COPG2: variants seen among roughly 807,000 people sequenced by gnomAD.
COPG2 encodes the protein coatomer subunit gamma-2.
COPG2 carries 37 observed loss-of-function variants against 46.3 expected under a neutral mutation model. That is an observed-to-expected ratio of 0.80 (90% CI 0.61 to 1.05). The LOEUF is 1.05. COPG2 is among the 50% of genes least tolerant of loss of function. The probability of loss-of-function intolerance (pLI) is 0.00; values close to 1 mark genes in which losing one functional copy is unlikely to be tolerated. For missense variants in COPG2, 427 were observed against 387.8 expected (o/e 1.10, Z -0.85); for synonymous variants, 159 against 129.7 (o/e 1.23, Z -1.53).
chr7:130,625,755 T>C (rs11763386), intron 5 of COPG2, among the ~76,000 whole-genome samples: 29,358 of 151,920 alleles, frequency 0.19, 3,021 homozygotes, highest in Middle Eastern at 0.25. Flanking sequence ...AATAATTAGA[T>C]ATGTTTTTCT....
At position 130,506,729 on chromosome 7, in the gene COPG2, C is replaced by G. The variant is rs782025773; in HGVS notation, c.2563G>C (p.Val855Leu). 1 of 780,618 alleles carries G rather than the reference C, an allele frequency of 1.3e-6. No individual in the cohort carries two copies. 48.4% of individuals were successfully genotyped at this position (780,618 alleles called of 1,614,324 possible). ...ACAGGTGTTCTCTCTTTACTTCTGA[C>G]AGTCACCTGCATGGTCACTCCATCG... ...LADGVTMQVT[V>L]RSKERTPVDV... Residue 855 changes from valine (V) to leucine (L), a missense_variant, in exon 24 of 24, where the codon GTC (valine) becomes CTC (leucine). Physicochemically the swap from Val to Leu is conservative, Grantham distance 32. Transcript: ENST00000425248.
intron 5 of COPG2, among the ~76,000 whole-genome samples, chr7:130,621,859 AC>A (rs369497061): frequency 1.0e-3 from 156 of 149,170 alleles, no homozygotes; most frequent in African/African-American, 3.6e-3. Context: ...TGGGAGAGTC[AC>A]TGGAACCCAG....
intron 20 of COPG2, among the ~76,000 whole-genome samples, chr7:130,525,359 AGCC>A (rs1799763724): frequency 6.6e-6 from 1 of 152,170 alleles, no homozygotes; most frequent in African/African-American, 2.4e-5. Context: ...CAGATGCAAG[AGCC>A]CAGGAATATG....
chr7:130,662,907 C>T, intron 4 of COPG2, 60 bp downstream of exon 4: 2 of 994,196 alleles, frequency 2.0e-6, no homozygotes, highest in Non-Finnish European at 3.1e-6. Flanking sequence ...ACTCTTAGTT[C>T]CCTGGGGAAA....
At chr7:130,564,227 A>G in intron 10 of COPG2, 33 bp downstream of exon 10, 1 of 398,578 alleles carries the variant, frequency 2.5e-6, no homozygotes, top group Non-Finnish European at 4.4e-6. Flanking sequence ...AAACTTAGGA[A>G]CATAAAAGCC....
intron 6 of COPG2, among the ~76,000 whole-genome samples, chr7:130,615,771 T>C (rs1171940829): frequency 9.2e-5 from 14 of 152,176 alleles, no homozygotes; most frequent in African/African-American, 3.4e-4. Flanking sequence ...GTGTACTGCA[T>C]ACAAAGAATG....
At chr7:130,627,895 C>G (rs1795146180) in intron 5 of COPG2, among the ~76,000 whole-genome samples, 1 of 152,112 alleles carries the variant, frequency 6.6e-6, no homozygotes, top group Non-Finnish European at 1.5e-5. Context: ...ATTCTCTGAA[C>G]TGAAATAACT....
chr7:130,663,191 C>T (rs887848807), intron 3 of COPG2, among the ~76,000 whole-genome samples, 153 bp from the exon 4 acceptor site: 16 of 152,200 alleles, frequency 1.1e-4, no homozygotes, highest in Non-Finnish European at 2.4e-4. Flanking sequence ...TGCAATTTTT[C>T]TGGCTTTCAA....
At chr7:130,615,768 G>A (rs1400246113) in intron 6 of COPG2, among the ~76,000 whole-genome samples, 16 of 152,282 alleles carry the variant, frequency 1.1e-4, no homozygotes, top group African/African-American at 3.6e-4. Context: ...AGAGTGTACT[G>A]CATACAAAGA....
intron 4 of COPG2, among the ~76,000 whole-genome samples, chr7:130,655,009 A>G (rs1448396079): frequency 6.6e-6 from 1 of 152,070 alleles, no homozygotes; most frequent in Non-Finnish European, 1.5e-5. Flanking sequence ...TTACAACTTA[A>G]GCATATAGAT....
intron 20 of COPG2, chr7:130,508,873 C>G (rs1331583383): frequency 1.2e-5 from 7 of 573,874 alleles, no homozygotes; most frequent in Non-Finnish European, 2.2e-5. Flanking sequence ...CTGTGGGTTA[C>G]AGCAGTACAG....
At chr7:130,588,572 T>C (rs541937316) in intron 9 of COPG2, among the ~76,000 whole-genome samples, 14 of 152,126 alleles carry the variant, frequency 9.2e-5, no homozygotes, top group Non-Finnish European at 1.6e-4. Context: ...CGCATGTTCT[T>C]GCTCATAGGT....
At chr7:130,508,824 G>A (rs1799547255) in intron 20 of COPG2, among the ~76,000 whole-genome samples, 165 bp from the exon 21 acceptor site, 1 of 152,170 alleles carries the variant, frequency 6.6e-6, no homozygotes, top group Admixed American at 6.5e-5. Flanking sequence ...GGGTCAGGAA[G>A]GCAGTCTCAC....
At chr7:130,547,571 C>T (rs984297203) in intron 20 of COPG2, 103 bp downstream of exon 20, 1 of 397,956 alleles carries the variant, frequency 2.5e-6, no homozygotes, top group Non-Finnish European at 4.4e-6. Flanking sequence ...TCATTAAATT[C>T]TAGAAAAGCA....
intron 9 of COPG2, among the ~76,000 whole-genome samples, chr7:130,607,030 C>T (rs1794746545): frequency 6.6e-6 from 1 of 151,872 alleles, no homozygotes; most frequent in Admixed American, 6.6e-5. Flanking sequence ...TGCTTGAGCT[C>T]AGGAGTTTGA....
At chr7:130,579,067 T>C (rs1288757829) in intron 9 of COPG2, among the ~76,000 whole-genome samples, 1 of 88,010 alleles carries the variant, frequency 1.1e-5, no homozygotes, top group African/African-American at 4.8e-5. Flanking sequence ...AAAGTTGAAA[T>C]GAAGGAAAAA....
At chr7:130,572,495 C>A (rs1422209021) in intron 9 of COPG2, among the ~76,000 whole-genome samples, 2 of 152,030 alleles carry the variant, frequency 1.3e-5, no homozygotes, top group African/African-American at 2.4e-5. Context: ...TTTAAAATGA[C>A]AGAAATCATA....
At chr7:130,650,092 C>T (rs1795707001) in intron 5 of COPG2, among the ~76,000 whole-genome samples, 1 of 152,132 alleles carries the variant, frequency 6.6e-6, no homozygotes, top group African/African-American at 2.4e-5. Context: ...TGGCCCTCTT[C>T]CCCCATCTCC....
intron 20 of COPG2, among the ~76,000 whole-genome samples, chr7:130,521,583 TAG>T (rs1260897583): frequency 7.2e-5 from 11 of 152,132 alleles, no homozygotes; most frequent in Admixed American, 7.2e-4. Flanking sequence ...AAATTTACCT[TAG>T]GATGGGAAAA....
Sources: gnomAD v4.1 joint callset for allele counts (sites outside exome capture counted in the v4.1 genomes callset) on GRCh38, gnomAD v4.1.1 for gene constraint, MANE v1.5 for transcripts, NCBI Gene and HGNC (gene_info 2026-07-23, HGNC 2026-07-21) for gene names.